SNTB1: variants seen among roughly 807,000 people sequenced by gnomAD.
The protein encoded by SNTB1 is syntrophin beta 1.
A neutral mutation model predicts 48.9 loss-of-function variants in SNTB1; 36 were observed. The ratio of observed to expected loss-of-function variants is 0.74; its 90% CI spans 0.56 to 0.97. SNTB1 has a LOEUF of 0.97. SNTB1 is among the 50% of genes least tolerant of loss of function. SNTB1 has a pLI of 0.00. For missense variants in SNTB1, 786 were observed against 703.4 expected (o/e 1.12, Z -1.33); for synonymous variants, 299 against 294.6 (o/e 1.01, Z -0.15).
intron 2 of SNTB1, among the ~76,000 whole-genome samples, chr8:120,676,341 T>A (rs1587081459): frequency 6.6e-6 from 1 of 152,246 alleles, no homozygotes; most frequent in South Asian, 2.1e-4. Context: ...TTGAGAGGCA[T>A]GTAAACTGGC....
intron 1 of SNTB1, among the ~76,000 whole-genome samples, chr8:120,786,694 G>A (rs1462642312): frequency 6.6e-6 from 1 of 152,204 alleles, no homozygotes; most frequent in Non-Finnish European, 1.5e-5. Context: ...GGTCAAGAGT[G>A]TGACTGGAAG....
At chr8:120,613,300 G>T (rs4259452) in intron 3 of SNTB1, among the ~76,000 whole-genome samples, 5 of 151,520 alleles carry the variant, frequency 3.3e-5, no homozygotes, top group Non-Finnish European at 5.9e-5. Context: ...GCAGTGAGCC[G>T]GGATTGTGCC....
chr8:120,711,993 G>GCTT (rs1818471450), intron 1 of SNTB1, among the ~76,000 whole-genome samples: 1 of 152,090 alleles, frequency 6.6e-6, no homozygotes, highest in Admixed American at 6.5e-5. Flanking sequence ...TCCAAGAAAT[G>GCTT]CTTCCTTCCA....
chr8:120,779,859 G>C (rs1181710801), intron 1 of SNTB1, among the ~76,000 whole-genome samples: 1 of 152,178 alleles, frequency 6.6e-6, no homozygotes, highest in Non-Finnish European at 1.5e-5. Flanking sequence ...GGAACATCCA[G>C]TGGACATGCC....
chr8:120,710,055 G>A (rs1175120602), intron 1 of SNTB1, among the ~76,000 whole-genome samples: 3 of 152,264 alleles, frequency 2.0e-5, no homozygotes, highest in African/African-American at 7.2e-5. Context: ...TATGTTCCAA[G>A]TTATCCATAT....
At chr8:120,568,894 AG>A (rs1815796477) in intron 4 of SNTB1, among the ~76,000 whole-genome samples, 1 of 152,228 alleles carries the variant, frequency 6.6e-6, no homozygotes, top group Admixed American at 6.5e-5. Context: ...AGGGACAGTG[AG>A]TTGAGGGGAC....
intron 2 of SNTB1, among the ~76,000 whole-genome samples, chr8:120,688,141 G>A (rs1261058533): frequency 1.3e-5 from 2 of 152,190 alleles, no homozygotes; most frequent in African/African-American, 4.8e-5. Flanking sequence ...GAAAGATGAT[G>A]TAAATCTTTC....
At chr8:120,693,561 G>T in intron 2 of SNTB1, 131 bp downstream of exon 2, 1 of 742,268 alleles carries the variant, frequency 1.3e-6, no homozygotes, top group East Asian at 2.7e-5. Flanking sequence ...TTCTCAGCAT[G>T]GCCCTTTCAT....
intron 3 of SNTB1, among the ~76,000 whole-genome samples, chr8:120,598,534 C>T (rs1816364596): frequency 6.6e-6 from 1 of 152,212 alleles, no homozygotes; most frequent in South Asian, 2.1e-4. Context: ...CCCCCAGGAG[C>T]TTAGAGTCTA....
intron 1 of SNTB1, among the ~76,000 whole-genome samples, chr8:120,718,649 C>T (rs1007497500): frequency 8.6e-5 from 13 of 152,040 alleles, no homozygotes; most frequent in Admixed American, 2.0e-4. Context: ...TAACTGCTTC[C>T]GGAAGGGGAA....
At chr8:120,771,873 T>A (rs1488542121) in intron 1 of SNTB1, among the ~76,000 whole-genome samples, 1 of 152,104 alleles carries the variant, frequency 6.6e-6, no homozygotes, top group Non-Finnish European at 1.5e-5. Context: ...ATTATTTATG[T>A]ATTTATTTGT....
rs181789830 is a variant in SNTB1 at position 120,727,449 on chromosome 8, C to A, written c.572-33541G>T. On this transcript the variant is annotated intron_variant, in intron 1 of 6. Transcript: ENST00000517992. The stretch of plus-strand genomic sequence containing the variant: ...TCTTATGTTTCTCTTCAGTTTCTGG[C>A]CTAAAGATAATAGCAAGAATAGTCA... Among the ~76,000 whole-genome samples, 137 of 152,146 alleles carry A rather than the reference C, an allele frequency of 9.0e-4. 1 individual carries two copies. The highest frequency in any genetic ancestry group is 3.3e-3 in the South Asian group (16 of 4,810).
At chr8:120,545,579 T>C (rs1815367708) in intron 5 of SNTB1, among the ~76,000 whole-genome samples, 1 of 152,164 alleles carries the variant, frequency 6.6e-6, no homozygotes, top group Non-Finnish European at 1.5e-5. Context: ...TTGTTTCCAG[T>C]GCAGCTAAAG....
intron 2 of SNTB1, among the ~76,000 whole-genome samples, chr8:120,689,758 G>T (rs913783911): frequency 6.6e-6 from 1 of 152,068 alleles, no homozygotes; most frequent in African/African-American, 2.4e-5. Context: ...TGAAAAAAAG[G>T]CTTTGTGTGG....
At chr8:120,593,627 G>A (rs1816278165) in intron 3 of SNTB1, among the ~76,000 whole-genome samples, 1 of 152,200 alleles carries the variant, frequency 6.6e-6, no homozygotes, top group African/African-American at 2.4e-5. Context: ...GGCTTTAAGA[G>A]TTAGTCTTAT....
intron 4 of SNTB1, chr8:120,570,271 G>A (rs2130679466): frequency 6.6e-6 from 1 of 152,228 alleles, no homozygotes; most frequent in African/African-American, 2.4e-5. Context: ...TCTTTACAAT[G>A]GAATCAGGAT....
intron 1 of SNTB1, among the ~76,000 whole-genome samples, chr8:120,722,902 C>G (rs569671079): frequency 6.6e-6 from 1 of 152,248 alleles, no homozygotes; most frequent in Non-Finnish European, 1.5e-5. Context: ...TTTAATCCAT[C>G]TTGAATTAAT....
At chr8:120,650,772 T>C (rs1817400016) in intron 2 of SNTB1, among the ~76,000 whole-genome samples, 1 of 152,194 alleles carries the variant, frequency 6.6e-6, no homozygotes, top group Non-Finnish European at 1.5e-5. Context: ...GAGAAAGTGA[T>C]AGAGAGTAAA....
At chr8:120,707,744 A>G (rs1051169159) in intron 1 of SNTB1, among the ~76,000 whole-genome samples, 12 of 152,298 alleles carry the variant, frequency 7.9e-5, no homozygotes, top group African/African-American at 2.9e-4. Context: ...ATTTGATCCC[A>G]CATCTTATAA....
Sources: allele counts gnomAD v4.1 joint callset (sites outside exome capture counted in the v4.1 genomes callset), GRCh38; gene constraint gnomAD v4.1.1; transcripts MANE v1.5; gene names NCBI Gene and HGNC (gene_info 2026-07-23, HGNC 2026-07-21).